SMOC1: variants seen among roughly 807,000 people sequenced by gnomAD.
SMOC1 encodes the protein SPARC related modular calcium binding 1.
In SMOC1, 22 loss-of-function variants were observed where a neutral mutation model predicts 56.3. That is an observed-to-expected ratio of 0.39 (90% CI 0.28 to 0.56). The LOEUF (loss-of-function observed/expected upper bound fraction) is 0.56, where lower values mean the gene tolerates loss of function less well. Ranked by LOEUF, SMOC1 falls within the 20% of genes least tolerant of loss-of-function variation. The pLI is 0.61. For missense variants in SMOC1, 509 were observed against 565.4 expected, an observed-to-expected ratio of 0.90 and a Z score of 1.01; for synonymous variants, 193 against 215.0, an observed-to-expected ratio of 0.90 and a Z score of 0.89.
intron 7 of SMOC1, among the ~76,000 whole-genome samples, chr14:70,005,770 G>A (rs1041887433): frequency 1.3e-5 from 2 of 152,330 alleles, no homozygotes; most frequent in South Asian, 2.1e-4. Flanking sequence ...GGGCGGGCGT[G>A]TGAGTGTGTA....
At chr14:69,979,512 AGACCT>A (rs1884097798) in intron 5 of SMOC1, among the ~76,000 whole-genome samples, 1 of 152,180 alleles carries the variant, frequency 6.6e-6, no homozygotes, top group African/African-American at 2.4e-5. Context: ...GAATCTACAA[AGACCT>A]GAAATCACCA....
intron 1 of SMOC1, among the ~76,000 whole-genome samples, chr14:69,923,190 C>T (rs1171177591): frequency 6.6e-6 from 1 of 152,090 alleles, no homozygotes; most frequent in Non-Finnish European, 1.5e-5. Context: ...CATGATCCAC[C>T]TGCCTTGGCC....
chr14:69,970,086 A>G (rs61226888), intron 3 of SMOC1, among the ~76,000 whole-genome samples: 2,207 of 152,170 alleles, frequency 0.015, 56 homozygotes, highest in African/African-American at 0.05. Context: ...ACCAGAGAAC[A>G]TCCCAGGGGA....
chr14:69,984,682 A>T (rs1884300760), intron 5 of SMOC1, among the ~76,000 whole-genome samples: 1 of 80,956 alleles, frequency 1.2e-5, no homozygotes, highest in Non-Finnish European at 2.3e-5. Flanking sequence ...ATCTCTACTA[A>T]AAAAAAAAAA....
At position 70,011,558 on chromosome 14, in the gene SMOC1, G is replaced by A; in HGVS notation, c.931G>A (p.Glu311Lys). The change falls in exon 9 of 12, where the codon GAG becomes AAG. Residue 311 changes from glutamate to lysine, a missense_variant. Transcript: ENST00000361956. ...TEADDPFKDR[E>K]LPGCPEGKKM... ...GGCGGATGACCCCTTCAAGGACAGGGAGCTACCAGGTGGGAGACGATGCTG... is the reference window on the plus strand; with the variant it reads ...GGCGGATGACCCCTTCAAGGACAGGAAGCTACCAGGTGGGAGACGATGCTG... 1 of 1,614,068 alleles carries A rather than the reference G, an allele frequency of 6.2e-7. No homozygotes were observed. Among genetic ancestry groups the A allele is most frequent in the Non-Finnish European group, 8.5e-7 (1 of 1,180,006 alleles).
chr14:69,885,281 TA>T, intron 1 of SMOC1: 2 of 973,972 alleles, frequency 2.1e-6, no homozygotes, highest in Non-Finnish European at 3.0e-6. Flanking sequence ...TTTTTTTTTT[TA>T]AGGAAAATTT....
At chr14:69,898,627 T>C (rs1884158682) in intron 1 of SMOC1, among the ~76,000 whole-genome samples, 1 of 152,226 alleles carries the variant, frequency 6.6e-6, no homozygotes, top group Non-Finnish European at 1.5e-5. Context: ...CTCTTGCGTT[T>C]CTTTTTGATT....
At chr14:69,927,636 A>G (rs1431729415) in intron 1 of SMOC1, among the ~76,000 whole-genome samples, 1 of 152,182 alleles carries the variant, frequency 6.6e-6, no homozygotes, top group African/African-American at 2.4e-5. Flanking sequence ...AGATTGCGCC[A>G]CTGCACTCCA....
chr14:69,955,756 A>AT (rs1265542430), intron 3 of SMOC1, among the ~76,000 whole-genome samples: 1 of 152,156 alleles, frequency 6.6e-6, no homozygotes, highest in African/African-American at 2.4e-5. Flanking sequence ...TCTTCCATCA[A>AT]TTTTTTAAAA....
At chr14:69,951,624 C>T (rs921585997) in intron 1 of SMOC1, among the ~76,000 whole-genome samples, 2 of 152,094 alleles carry the variant, frequency 1.3e-5, no homozygotes, top group African/African-American at 2.4e-5. Flanking sequence ...AAAACTTTCC[C>T]GAGATGGAAT....
rs373463067 is a variant in SMOC1, at chr14:69,994,555, G to T, written c.664+75G>T. On this transcript the variant is annotated intron_variant, in intron 7 of 11. Coordinates refer to ENST00000361956, the MANE Select transcript of SMOC1 (RefSeq NM_001034852.3). ...CCCCGTGGTTCTGTGACTACTTATT[G>T]TGTGGGTTTGGAAAAATCATTTAAT... The T allele has an allele frequency of 1.3e-3, 1,470 of 1,167,528 alleles. 25 individuals are homozygous for T. The South Asian group carries it at 0.017, about 13-fold the overall frequency. 72.3% of individuals were successfully genotyped at this position (1,167,528 alleles called of 1,614,324 possible). A position where few individuals can be genotyped will look rare whatever the true frequency, so the allele number is the denominator to read the frequency against.
At chr14:69,881,685 C>A (rs931230766) in intron 1 of SMOC1, among the ~76,000 whole-genome samples, 1 of 152,066 alleles carries the variant, frequency 6.6e-6, no homozygotes, top group South Asian at 2.1e-4. Context: ...CAAACACACA[C>A]ACACATGTGC....
rs147046939 is a variant in SMOC1, at chr14:70,018,937, T to C, written c.1047-4266T>C. ...TCCAGACGGGGCTCAGTTGGTCTGC[T>C]TGGCTTGGCTAGTGCCTCCAGGCCG... On this transcript the variant is annotated intron_variant, in intron 10 of 11. Transcript: ENST00000361956. Among the ~76,000 whole-genome samples, 13 of 152,350 alleles carry C rather than the reference T, an allele frequency of 8.5e-5. No homozygotes were observed. In the East Asian group the frequency reaches 1.3e-3, roughly 16 times the overall value.
At chr14:69,897,587 C>T (rs548215201) in intron 1 of SMOC1, among the ~76,000 whole-genome samples, 43 of 150,286 alleles carry the variant, frequency 2.9e-4, no homozygotes, top group African/African-American at 8.8e-4. Context: ...AAAAACTTTT[C>T]GAAGTGGTTG....
intron 1 of SMOC1, among the ~76,000 whole-genome samples, chr14:69,942,651 A>T (rs1888090678): frequency 6.6e-6 from 1 of 152,158 alleles, no homozygotes; most frequent in Admixed American, 6.5e-5. Flanking sequence ...CACATAATGG[A>T]ATTATATAGT....
intron 7 of SMOC1, among the ~76,000 whole-genome samples, chr14:69,997,706 T>C (rs375307141): frequency 1.3e-5 from 2 of 152,318 alleles, no homozygotes; most frequent in East Asian, 1.9e-4. Flanking sequence ...TCACATGTTA[T>C]CATATTTGGT....
intron 3 of SMOC1, among the ~76,000 whole-genome samples, chr14:69,964,327 G>A (rs1184910647): frequency 2.0e-5 from 3 of 152,050 alleles, no homozygotes; most frequent in African/African-American, 7.2e-5. Flanking sequence ...CCTGCTGTCT[G>A]TGGGAGAGGA....
chr14:69,919,218 A>T (rs181177434), intron 1 of SMOC1, among the ~76,000 whole-genome samples: 21 of 152,296 alleles, frequency 1.4e-4, no homozygotes, highest in Admixed American at 1.2e-3. Flanking sequence ...GAGCTACATC[A>T]AGCAACCCTC....
Position 69,879,633 on chromosome 14 carries a change from G to GCCCGCGAAC in SMOC1, c.-40_-32dup, listed in dbSNP as rs1566658168. ...GGAGGCGCGCTGTGCGCCCCGCGGA[G>GCCCGCGAAC]CCCGCGAACCCCGCTCGCTGCCGGC... On this transcript the variant is annotated 5_prime_UTR_variant, in exon 1 of 12. Coordinates refer to ENST00000361956, the MANE Select transcript of SMOC1 (RefSeq NM_001034852.3). 1.4e-6 allele frequency: 2 copies of GCCCGCGAAC among 1,389,696 alleles called. No homozygotes were observed. The highest frequency in any genetic ancestry group is 1.5e-5 in the African/African-American group (1 of 65,976). The allele number at this position is 1,389,696 out of a possible 1,614,324, so 86.1% of individuals were successfully genotyped here.
Sources: gnomAD v4.1 joint callset for allele counts (sites outside exome capture counted in the v4.1 genomes callset) on GRCh38, gnomAD v4.1.1 for gene constraint, MANE v1.5 for transcripts, NCBI Gene and HGNC (gene_info 2026-07-23, HGNC 2026-07-21) for gene names.